Variants in MTSS1 observed in about 807,000 individuals in gnomAD.
The protein encoded by MTSS1 is protein MTSS 1.
MTSS1 carries 18 observed loss-of-function variants against 79.0 expected under a neutral mutation model. The ratio of observed to expected loss-of-function variants is 0.23; its 90% confidence interval spans 0.16 to 0.34. The LOEUF is 0.34. Among genes scored for constraint, MTSS1 ranks in the 10% least tolerant of loss-of-function variants. The probability of loss-of-function intolerance (pLI) is 1.00; values close to 1 mark genes in which losing one functional copy is unlikely to be tolerated. For synonymous variants in MTSS1, 341 were observed against 368.6 expected, an observed-to-expected ratio of 0.93 and a Z score of 0.86; for missense variants, 815 against 986.2, an observed-to-expected ratio of 0.83 and a Z score of 2.33.
At chr8:124,590,948 G>A (rs571417698) in intron 4 of MTSS1, among the ~76,000 whole-genome samples, 10 of 152,330 alleles carry the variant, frequency 6.6e-5, no homozygotes, top group African/African-American at 2.4e-4. Context: ...TGAAGGCAGG[G>A]GCCTGGCTGG....
At chr8:124,595,525 C>T (rs1376098912) in intron 3 of MTSS1, among the ~76,000 whole-genome samples, 2 of 152,190 alleles carry the variant, frequency 1.3e-5, no homozygotes, top group Non-Finnish European at 2.9e-5. Context: ...CTACTCCCTT[C>T]TCTGACTTCT....
At chr8:124,598,291 A>C (rs1833115924) in intron 3 of MTSS1, among the ~76,000 whole-genome samples, 1 of 152,140 alleles carries the variant, frequency 6.6e-6, no homozygotes, top group African/African-American at 2.4e-5. Context: ...ACCCTGTCTC[A>C]AAAGAAAAAA....
At chr8:124,712,968 C>T (rs185130496) in intron 1 of MTSS1, among the ~76,000 whole-genome samples, 1 of 152,320 alleles carries the variant, frequency 6.6e-6, no homozygotes, top group African/African-American at 2.4e-5. Flanking sequence ...GGTGTCTCCA[C>T]TTAAAATAAA....
At chr8:124,604,018 C>A (rs4870908) in intron 3 of MTSS1, among the ~76,000 whole-genome samples, 31,007 of 151,948 alleles carry the variant, frequency 0.2, 3,405 homozygotes, top group East Asian at 0.39. Context: ...TCAAGACCAG[C>A]CTGGCCAGCG....
At chr8:124,688,704 A>AT (rs895189870) in intron 3 of MTSS1, among the ~76,000 whole-genome samples, 7 of 152,302 alleles carry the variant, frequency 4.6e-5, no homozygotes, top group African/African-American at 7.2e-5. Context: ...CAGAACAGAG[A>AT]TTTTTTTCAC....
Position 124,568,290 on chromosome 8 carries a change from T to C in MTSS1, c.618+89A>G, listed in dbSNP as rs1054120417. On this transcript the variant is annotated intron_variant, in intron 7 of 13. Transcript: ENST00000518547. Reference sequence around the variant, plus strand: ...CATCATGATTCCTGACAGTAGATTCTCCATGACTCAACAGTGGATGGATAA... The same window carrying C: ...CATCATGATTCCTGACAGTAGATTCCCCATGACTCAACAGTGGATGGATAA... 5.5e-6 allele frequency: 8 copies of C among 1,443,286 alleles called. No homozygotes were observed. The African/African-American group carries it at 8.5e-5, about 15-fold the overall frequency. 89.4% of individuals were successfully genotyped at this position (1,443,286 alleles called of 1,614,324 possible).
chr8:124,555,278 C>T (rs1213774293), intron 13 of MTSS1, among the ~76,000 whole-genome samples: 1 of 151,982 alleles, frequency 6.6e-6, no homozygotes, highest in Admixed American at 6.5e-5. Flanking sequence ...CAGAGTCTTG[C>T]TCTGTCACCC....
chr8:124,608,734 G>A (rs1213648268), intron 3 of MTSS1, among the ~76,000 whole-genome samples: 1 of 152,220 alleles, frequency 6.6e-6, no homozygotes, highest in East Asian at 1.9e-4. Flanking sequence ...CTGATCAGGT[G>A]TATGGATGCC....
chr8:124,573,981 C>T (rs948300634), intron 6 of MTSS1, among the ~76,000 whole-genome samples: 3 of 152,176 alleles, frequency 2.0e-5, no homozygotes, highest in Non-Finnish European at 4.4e-5. Context: ...CAAGGCAGCA[C>T]CCCTAAAGAA....
intron 3 of MTSS1, among the ~76,000 whole-genome samples, chr8:124,682,433 T>A (rs943057442): frequency 6.6e-6 from 1 of 152,196 alleles, no homozygotes; most frequent in Non-Finnish European, 1.5e-5. Context: ...GGGCAAATAA[T>A]CCATCAGTGC....
chr8:124,605,323 CA>C (rs1281949707), intron 3 of MTSS1, among the ~76,000 whole-genome samples: 2 of 152,210 alleles, frequency 1.3e-5, no homozygotes, highest in African/African-American at 4.8e-5. Flanking sequence ...TCTTAGTTCA[CA>C]AAATTTAACT....
intron 6 of MTSS1, among the ~76,000 whole-genome samples, chr8:124,583,760 G>A (rs573321611): frequency 7.9e-5 from 12 of 152,148 alleles, no homozygotes; most frequent in Non-Finnish European, 1.8e-4. Flanking sequence ...GTTATGTGGA[G>A]TTCAGCCCCG....
chr8:124,602,262 T>TG (rs938136107), intron 3 of MTSS1, among the ~76,000 whole-genome samples: 7 of 147,314 alleles, frequency 4.8e-5, no homozygotes, highest in African/African-American at 1.8e-4. Context: ...TGCAGTGGTG[T>TG]GATCACGGCT....
In MTSS1 at chr8:124,551,223, A is replaced by C. The variant is rs1416429669; in HGVS notation, c.*1769T>G. ...TTCTGCTTTTGCAAAAACCATCTCA[A>C]GCATCATATGCACAATGCATCAGCT... On this transcript the variant is annotated 3_prime_UTR_variant, in exon 14 of 14. Coordinates refer to ENST00000518547, the MANE Select transcript of MTSS1 (RefSeq NM_014751.6). 6.6e-6 allele frequency: 1 copy of C among 152,668 alleles called. No individual in the cohort carries two copies. 9.5% of individuals were successfully genotyped at this position (152,668 alleles called of 1,614,324 possible).
At chr8:124,651,573 G>A (rs1445990174) in intron 3 of MTSS1, among the ~76,000 whole-genome samples, 2 of 152,070 alleles carry the variant, frequency 1.3e-5, no homozygotes, top group Non-Finnish European at 2.9e-5. Flanking sequence ...GACTGCAGAA[G>A]GGCCCTTCCC....
chr8:124,681,881 G>A (rs1826184561), intron 3 of MTSS1, among the ~76,000 whole-genome samples: 1 of 152,214 alleles, frequency 6.6e-6, no homozygotes, highest in African/African-American at 2.4e-5. Flanking sequence ...ACATTTGTAT[G>A]TGCTAATAAA....
intron 6 of MTSS1, among the ~76,000 whole-genome samples, chr8:124,574,875 G>A (rs760839375): frequency 5.3e-5 from 8 of 152,128 alleles, no homozygotes; most frequent in Admixed American, 1.3e-4. Flanking sequence ...TTCATTCTAA[G>A]ATATTTCATT....
chr8:124,621,698 G>A (rs867925716), intron 3 of MTSS1, among the ~76,000 whole-genome samples: 49 of 152,230 alleles, frequency 3.2e-4, no homozygotes, highest in African/African-American at 1.1e-3. Context: ...ACAGGTGCAC[G>A]CCACCACACC....
chr8:124,704,173 C>T lies in MTSS1; in HGVS notation c.91G>A (p.Glu31Lys). The T allele has an allele frequency of 6.2e-7, 1 of 1,613,962 alleles. No homozygotes were observed. The highest frequency in any genetic ancestry group is 8.5e-7 in the Non-Finnish European group (1 of 1,179,968). ...SDMKGSYPVW[E>K]DFINKAGKLQ... ...TTTCCTGCTTTGTTTATGAAATCTT[C>T]CCAAACTGGATAGCTCCCCTGCAAC... The change falls in exon 2 of 14, where the codon GAA becomes AAA. Residue 31 changes from glutamate (E) to lysine (K), a missense_variant. By Grantham distance (56) the Glu-to-Lys change is moderately conservative. Transcript: ENST00000518547.
Sources: gnomAD v4.1 joint callset for allele counts (sites outside exome capture counted in the v4.1 genomes callset) on GRCh38, gnomAD v4.1.1 for gene constraint, MANE v1.5 for transcripts, NCBI Gene and HGNC (gene_info 2026-07-23, HGNC 2026-07-21) for gene names.